The following BRD8 variants were observed in gnomAD, a reference collection of about 807,000 sequenced individuals.
The protein encoded by BRD8 is bromodomain containing 8.
A neutral mutation model predicts 143.1 loss-of-function variants in BRD8; 67 were observed. The observed-to-expected ratio is 0.47, with a 90% confidence interval of 0.38 to 0.57. BRD8 has a LOEUF of 0.57. Ranked by LOEUF, BRD8 falls within the 20% of genes least tolerant of loss-of-function variation. The probability of loss-of-function intolerance (pLI) is 0.00; values close to 1 mark genes in which losing one functional copy is unlikely to be tolerated. For missense variants in BRD8, 1,103 were observed against 1,503.0 expected, an observed-to-expected ratio of 0.73 and a Z score of 4.40; for synonymous variants, 505 against 517.1, an observed-to-expected ratio of 0.98 and a Z score of 0.32.
intron 20 of BRD8, among the ~76,000 whole-genome samples, chr5:138,154,830 C>CT (rs200415636): frequency 0.012 from 1,663 of 137,390 alleles, 20 homozygotes; most frequent in African/African-American, 0.029. Flanking sequence ...AAGTTCATAA[C>CT]TTTTTTTTTT....
intron 21 of BRD8, among the ~76,000 whole-genome samples, chr5:138,151,423 T>A (rs1007091798): frequency 1.3e-5 from 2 of 152,246 alleles, no homozygotes; most frequent in Non-Finnish European, 2.9e-5. Context: ...ACAGCATACA[T>A]ATAACTCTCT....
chr5:138,156,883 C>T, intron 20 of BRD8: 1 of 1,079,038 alleles, frequency 9.3e-7, no homozygotes, highest in Non-Finnish European at 1.1e-6. Context: ...AAGCCAAAGG[C>T]TAGTTTTTTT....
intron 22 of BRD8, among the ~76,000 whole-genome samples, chr5:138,150,068 C>A (rs1752318457): frequency 6.6e-6 from 1 of 151,990 alleles, no homozygotes; most frequent in South Asian, 2.1e-4. Flanking sequence ...TCTTTAAAAA[C>A]CATCATGATC....
chr5:138,155,945 G>A (rs191182810), intron 20 of BRD8, among the ~76,000 whole-genome samples: 1 of 150,576 alleles, frequency 6.6e-6, no homozygotes, highest in African/African-American at 2.4e-5. Context: ...GCAATTATAG[G>A]TCATTGCCAA....
In BRD8 at chr5:138,145,175, A is replaced by T. The variant is rs201101113; in HGVS notation, c.3437+2T>A. On this transcript the variant is annotated splice_donor_variant, in intron 25 of 26. Transcript: ENST00000254900. LOFTEE classifies it high-confidence loss of function. ...ACCTTTCTTGACCCCTTTTTCACTG[A>T]CCTTTTCACCACATCCTTGTACCCT... The T allele has an allele frequency of 6.2e-7, 1 of 1,611,278 alleles. No homozygotes were observed. The highest frequency in any genetic ancestry group is 2.2e-5 in the East Asian group (1 of 44,836).
At chr5:138,158,443 C>CT (rs1301442866) in intron 20 of BRD8, among the ~76,000 whole-genome samples, 27 of 149,924 alleles carry the variant, frequency 1.8e-4, no homozygotes, top group Non-Finnish European at 1.2e-4. Context: ...TTTTTTTTTT[C>CT]TTTTTTTTGT....
At position 138,153,647 on chromosome 5, in the gene BRD8, TC is replaced by T. The variant is rs533049028; in HGVS notation, c.2578-888del. On this transcript the variant is annotated intron_variant, in intron 20 of 26. Coordinates refer to ENST00000254900, the MANE Select transcript of BRD8 (RefSeq NM_139199.2). ...TCACTGCTTCTTCCCAATTTCCTTA[TC>T]CCCATCACCATTTTCTTTTCTTTTC... 3.4e-3 allele frequency among the ~76,000 whole-genome samples: 511 copies of T among 151,146 alleles called. 1 individual carries two copies. Among genetic ancestry groups the T allele is most frequent in the African/African-American group, 0.012 (494 of 41,244 alleles).
intron 6 of BRD8, 156 bp downstream of exon 6, chr5:138,170,676 C>T (rs899418294): frequency 4.0e-6 from 3 of 753,488 alleles, no homozygotes; most frequent in East Asian, 2.6e-5. Flanking sequence ...AGGACTCACT[C>T]CCCCCTCCCA....
Position 138,170,534 on chromosome 5 carries a change from T to C in BRD8, c.441-125A>G, listed in dbSNP as rs756858959. On this transcript the variant is annotated intron_variant, in intron 6 of 26. Transcript: ENST00000254900. ...TCTGGAAGAAAGGCCTAAACAGGAA[T>C]TCTAACCAGCAAAACAGTGAATTGG... 2.9e-6 allele frequency: 3 copies of C among 1,028,268 alleles called. No homozygotes were observed. In the Admixed American group the frequency reaches 5.1e-5, roughly 17 times the overall value. 63.7% of individuals were successfully genotyped at this position (1,028,268 alleles called of 1,614,324 possible).
intron 25 of BRD8, among the ~76,000 whole-genome samples, chr5:138,141,232 C>A (rs531637184): frequency 6.6e-6 from 1 of 152,144 alleles, no homozygotes; most frequent in South Asian, 2.1e-4. Context: ...CAGGTTCAAG[C>A]AATTCCCCTG....
At position 138,164,153 on chromosome 5, in the gene BRD8, T is replaced by C. The variant is rs368536134; in HGVS notation, c.1826-20A>G. ...ATGAGTCTGCAGAGGAGAGAAAGAC[T>C]ACCTGAAGATTTTTCCACCTTAGCC... On this transcript the variant is annotated intron_variant, in intron 13 of 26. Transcript: ENST00000254900. 71 of 1,613,334 alleles carry C rather than the reference T, an allele frequency of 4.4e-5. No individual in the cohort carries two copies. The highest frequency in any genetic ancestry group is 5.9e-5 in the Non-Finnish European group (70 of 1,179,466).
At chr5:138,166,477 CA>C (rs772028811) in intron 10 of BRD8, 40 bp downstream of exon 10, 2 of 1,405,046 alleles carry the variant, frequency 1.4e-6, no homozygotes, top group South Asian at 2.7e-5. Flanking sequence ...AACTAAAGCT[CA>C]AAATGAAATT....
intron 20 of BRD8, 91 bp from the exon 21 acceptor site, chr5:138,152,851 G>C: frequency 2.9e-6 from 4 of 1,366,098 alleles, no homozygotes; most frequent in Non-Finnish European, 4.0e-6. Context: ...AAAAATAAGG[G>C]GCCAGAAATT....
At position 138,164,981 on chromosome 5, in the gene BRD8, C is replaced by T. The variant is rs1753286188; in HGVS notation, c.1464G>A (p.Glu488=). 6.2e-7 allele frequency: 1 copy of T among 1,614,178 alleles called. No individual in the cohort carries two copies. Among genetic ancestry groups the T allele is most frequent in the Non-Finnish European group, 8.5e-7 (1 of 1,180,042 alleles). Residue 488 remains glutamate (E), a synonymous_variant, in exon 12 of 27, where the codon GAG becomes GAA. Coordinates refer to ENST00000254900, the MANE Select transcript of BRD8 (RefSeq NM_139199.2). ...MTVKQERLDF[E]ETENKGIHEL... ...CATGTATTCCCTTGTTTTCCGTTTC[C>T]TCAAAGTCCAGTCTCTCTTGCTTGA...
At position 138,163,398 on chromosome 5, in the gene BRD8, C is replaced by A. The variant is rs1753157803; in HGVS notation, c.1873-54G>T. 5 of 1,575,570 alleles carry A rather than the reference C, an allele frequency of 3.2e-6. No individual in the cohort carries two copies. In the South Asian group the frequency reaches 5.6e-5, roughly 18 times the overall value. On this transcript the variant is annotated intron_variant, in intron 14 of 26. Transcript: ENST00000254900. The stretch of plus-strand genomic sequence containing the variant: ...ATGCAAGCAAAGCTATCCAGCAAAG[C>A]ATCATTAAACATGATCTGTCTTTTG...
At chr5:138,168,352 T>C (rs1425740826) in intron 8 of BRD8, 2 of 777,796 alleles carry the variant, frequency 2.6e-6, no homozygotes, top group Non-Finnish European at 4.4e-6. Context: ...TAACATTTAA[T>C]TAGGAGATCT....
At chr5:138,161,296 C>G in intron 17 of BRD8, 1 of 394,196 alleles carries the variant, frequency 2.5e-6, no homozygotes. Flanking sequence ...TTTTTGGAGA[C>G]AGGGCCTGGA....
chr5:138,168,532 G>T (rs759258821), intron 8 of BRD8: 1 of 1,609,360 alleles, frequency 6.2e-7, no homozygotes, highest in African/African-American at 1.3e-5. Context: ...AGAGGGGAGG[G>T]GGGTGGAGTT....
Position 138,166,082 on chromosome 5 carries a change from T to G in BRD8, c.1024A>C (p.Met342Leu), listed in dbSNP as rs756155724. ...GTATGTGGATCCCCCACAGCCTCCA[T>G]GGGAACACAGTTGTCGGGTTGACTC... is the stretch of plus-strand genomic sequence containing the variant. The part of the protein sequence containing the change: ...PVSQPDNCVP[M>L]EAVGDPHTVT... Residue 342 changes from methionine to leucine, a missense_variant, in exon 11 of 27, where the codon ATG becomes CTG. Transcript: ENST00000254900. The G allele has an allele frequency of 4.0e-5, 65 of 1,613,562 alleles. No individual in the cohort carries two copies. Among genetic ancestry groups the G allele is most frequent in the Non-Finnish European group, 5.4e-5 (64 of 1,179,896 alleles).
Sources: gnomAD v4.1 joint callset for allele counts (sites outside exome capture counted in the v4.1 genomes callset) on GRCh38, gnomAD v4.1.1 for gene constraint, MANE v1.5 for transcripts, NCBI Gene and HGNC (gene_info 2026-07-23, HGNC 2026-07-21) for gene names.